DAPK2: variants seen among roughly 807,000 people sequenced by gnomAD.
DAPK2 encodes death associated protein kinase 2.
DAPK2 carries 35 observed loss-of-function variants against 44.1 expected under a neutral mutation model. The ratio of observed to expected loss-of-function variants is 0.79; its 90% CI spans 0.61 to 1.05. DAPK2 has a LOEUF of 1.05. Among genes scored for constraint, DAPK2 ranks in the 50% least tolerant of loss-of-function variants. The pLI is 0.00. For missense variants in DAPK2, 453 were observed against 483.2 expected, an observed-to-expected ratio of 0.94 and a Z score of 0.59; for synonymous variants, 174 against 182.6, an observed-to-expected ratio of 0.95 and a Z score of 0.38.
intron 8 of DAPK2, among the ~76,000 whole-genome samples, chr15:63,913,186 C>G (rs2078840916): frequency 6.6e-6 from 1 of 152,036 alleles, no homozygotes; most frequent in Admixed American, 6.6e-5. Context: ...GGGTAGCTGC[C>G]AGGGGCTAGG....
At chr15:63,940,617 C>T (rs1330720800) in intron 3 of DAPK2, among the ~76,000 whole-genome samples, 2 of 152,056 alleles carry the variant, frequency 1.3e-5, no homozygotes, top group African/African-American at 4.8e-5. Flanking sequence ...GAGGCTGAGG[C>T]AGGAGAATCA....
At position 63,970,107 on chromosome 15, in the gene DAPK2, C is replaced by T. The variant is rs910856502; in HGVS notation, c.453+1316G>A. Among the ~76,000 whole-genome samples, 11 of 152,352 alleles carry T rather than the reference C, an allele frequency of 7.2e-5. No homozygotes were observed. In the South Asian group the frequency reaches 1.0e-3, roughly 14 times the overall value. On this transcript the variant is annotated intron_variant, in intron 3 of 10. Transcript: ENST00000261891. ...AGCTGAGCCCCAGCCTCCAGGCTGT[C>T]TCCAGCCTATCCATCCTCCCAGCCA...
intron 1 of DAPK2, among the ~76,000 whole-genome samples, chr15:64,001,943 T>C (rs963373942): frequency 1.3e-5 from 2 of 152,234 alleles, no homozygotes; most frequent in East Asian, 1.9e-4. Flanking sequence ...TTTCCTACCT[T>C]GGTAAAGGCA....
chr15:63,963,926 T>C (rs1409905474), intron 3 of DAPK2, among the ~76,000 whole-genome samples: 1 of 152,222 alleles, frequency 6.6e-6, no homozygotes, highest in African/African-American at 2.4e-5. Flanking sequence ...CTTGAAACAT[T>C]GTAGTTATTT....
intron 4 of DAPK2, among the ~76,000 whole-genome samples, chr15:63,938,074 A>C (rs1057208691): frequency 7.2e-5 from 11 of 152,306 alleles, no homozygotes; most frequent in African/African-American, 2.6e-4. Context: ...CGTGTGTTAA[A>C]CTGGACCAGA....
At chr15:63,983,825 A>T in intron 1 of DAPK2, 71 bp from the exon 3 acceptor site, 2 of 1,412,354 alleles carry the variant, frequency 1.4e-6, no homozygotes, top group Non-Finnish European at 9.7e-7. Context: ...ACTGTCAGCT[A>T]CCAGGTCACA....
At chr15:64,035,707 T>C (rs1182820250) in intron 1 of DAPK2, among the ~76,000 whole-genome samples, 6 of 152,198 alleles carry the variant, frequency 3.9e-5, no homozygotes, top group Non-Finnish European at 8.8e-5. Context: ...ATGCCAAACA[T>C]TTCTGCAAGC....
chr15:63,990,511 G>C lies in DAPK2; in HGVS notation c.93-6757C>G, dbSNP rs1428536962. On this transcript the variant is annotated intron_variant, in intron 1 of 10. Coordinates refer to ENST00000261891, the Ensembl canonical transcript of DAPK2. This position sits in a 1 kb window ranked among gnomAD's most constrained non-coding sequence, Gnocchi z 4.3. ...CGACTCTAAAGTGTCCAAAGATTGAGTGATGTACCCCTAAGTCACCAGTCT... is the reference window on the plus strand; with the variant it reads ...CGACTCTAAAGTGTCCAAAGATTGACTGATGTACCCCTAAGTCACCAGTCT... Among the ~76,000 whole-genome samples the C allele has an allele frequency of 1.3e-5, 2 of 152,136 alleles. No individual in the cohort carries two copies. The highest frequency in any genetic ancestry group is 4.8e-5 in the African/African-American group (2 of 41,418).
rs75882912 is a variant in DAPK2, at chr15:63,993,739, C to T, written c.93-9985G>A. 7.6e-3 allele frequency among the ~76,000 whole-genome samples: 1,149 copies of T among 152,136 alleles called. 12 individuals carry two copies. The highest frequency in any genetic ancestry group is 0.026 in the African/African-American group (1,058 of 41,478). ...CCACCAACTTCCAAGCTTCCTTTTC[C>T]CTTGGGGCCTCAGTTTTCTCATCCA... On this transcript the variant is annotated intron_variant, in intron 1 of 10. Transcript: ENST00000261891.
chr15:64,023,382 G>A (rs1229106187), intron 1 of DAPK2, among the ~76,000 whole-genome samples: 1 of 152,248 alleles, frequency 6.6e-6, no homozygotes, highest in Non-Finnish European at 1.5e-5. Context: ...AAGCCATAAA[G>A]GAATTGGCTT....
At position 63,923,127 on chromosome 15, in the gene DAPK2, C is replaced by A. The variant is rs756693345; in HGVS notation, c.858+1689G>T. 2 of 1,535,808 alleles carry A rather than the reference C, an allele frequency of 1.3e-6. No homozygotes were observed. Among genetic ancestry groups the A allele is most frequent in the Non-Finnish European group, 1.7e-6 (2 of 1,146,754 alleles). On this transcript the variant is annotated intron_variant, in intron 8 of 10. Coordinates refer to ENST00000261891, the Ensembl canonical transcript of DAPK2. The surrounding 1 kb of genome is among the most constrained non-coding windows in gnomAD (Gnocchi z 4.2). ...AAGATGGAGACCAGGGCCTCCACAT[C>A]GTCCTGGATGGTATCGTGGGCCTCC...
intron 3 of DAPK2, among the ~76,000 whole-genome samples, chr15:63,967,813 A>G (rs1216722261): frequency 6.6e-6 from 1 of 152,214 alleles, no homozygotes; most frequent in Admixed American, 6.5e-5. Flanking sequence ...CTGATTAAAT[A>G]CCAGCCTGAA....
chr15:63,934,008 C>CT (rs1212305713), intron 4 of DAPK2, among the ~76,000 whole-genome samples: 1 of 151,994 alleles, frequency 6.6e-6, no homozygotes, highest in African/African-American at 2.4e-5. Flanking sequence ...TTTTATTTGT[C>CT]TTTTTTTCTG....
At chr15:63,972,853 T>A (rs1038869097) in intron 2 of DAPK2, among the ~76,000 whole-genome samples, 3 of 152,202 alleles carry the variant, frequency 2.0e-5, no homozygotes, top group Non-Finnish European at 2.9e-5. Flanking sequence ...AACAAAGGTA[T>A]GACCAAGCAA....
At position 63,917,266 on chromosome 15, in the gene DAPK2, G is replaced by A. The variant is rs766255383; in HGVS notation, c.859-5069C>T. The A allele has an allele frequency of 6.6e-6, 1 of 152,092 alleles. No homozygotes were observed. The highest frequency in any genetic ancestry group is 1.5e-5 in the Non-Finnish European group (1 of 68,040). The allele number at this position is 152,092 out of a possible 1,614,324, so 9.4% of individuals were successfully genotyped here. ...TAATCTCAGCTACTCAGGAGGCTGA[G>A]GCAGGAGAATTGCTTGAACCTGGAA... On this transcript the variant is annotated intron_variant, in intron 8 of 10. Coordinates refer to ENST00000261891, the Ensembl canonical transcript of DAPK2. This position sits in a 1 kb window ranked among gnomAD's most constrained non-coding sequence, Gnocchi z 4.4.
intron 8 of DAPK2, chr15:63,922,465 AAGG>A (rs1326890929): frequency 8.3e-7 from 1 of 1,207,714 alleles, no homozygotes; most frequent in African/African-American, 1.5e-5. Flanking sequence ...CCCTCTGCAG[AAGG>A]GGACCCTGAG....
chr15:63,926,633 G>T (rs1241887823), intron 6 of DAPK2, among the ~76,000 whole-genome samples: 2 of 152,148 alleles, frequency 1.3e-5, no homozygotes, highest in Non-Finnish European at 2.9e-5. Context: ...CCCCAACAGG[G>T]TTTGTCAAGG....
intron 3 of DAPK2, among the ~76,000 whole-genome samples, chr15:63,946,441 TCA>T (rs1303151099): frequency 1.3e-5 from 2 of 152,242 alleles, no homozygotes. Context: ...TCTTAGAGGC[TCA>T]GTTTCCCATC....
intron 1 of DAPK2, among the ~76,000 whole-genome samples, chr15:64,024,525 C>T (rs1341868703): frequency 5.3e-5 from 8 of 152,218 alleles, no homozygotes. Flanking sequence ...GAGATAGCAA[C>T]CATCTTACGA....
Sources: allele counts gnomAD v4.1 joint callset (sites outside exome capture counted in the v4.1 genomes callset), GRCh38; gene constraint gnomAD v4.1.1; non-coding constraint Gnocchi (gnomAD v3.1); transcripts MANE v1.5; gene names NCBI Gene and HGNC (gene_info 2026-07-23, HGNC 2026-07-21).